The following ZNF423 variants were observed in gnomAD, a reference collection of about 807,000 sequenced individuals.
The protein encoded by ZNF423 is zinc finger protein 423.
In ZNF423, 12 loss-of-function variants were observed where a neutral mutation model predicts 95.8. That is an observed-to-expected ratio of 0.13 (90% confidence interval 0.08 to 0.20). The LOEUF (loss-of-function observed/expected upper bound fraction) is 0.20, where lower values mean the gene tolerates loss of function less well. Among genes scored for constraint, ZNF423 ranks in the 10% least tolerant of loss-of-function variants. The pLI is 1.00. For synonymous variants in ZNF423, 749 were observed against 711.9 expected (o/e 1.05, Z -0.83); for missense variants, 1,316 against 1,737.1 (o/e 0.76, Z 4.31).
chr16:49,718,922 G>A (rs2032785779), intron 3 of ZNF423, among the ~76,000 whole-genome samples: 2 of 152,144 alleles, frequency 1.3e-5, no homozygotes, highest in African/African-American at 4.8e-5. Context: ...ACCATAGCCA[G>A]TTATAATAAA....
intron 1 of ZNF423, among the ~76,000 whole-genome samples, chr16:49,798,266 T>C (rs780626401): frequency 1.3e-5 from 2 of 152,006 alleles, no homozygotes; most frequent in Non-Finnish European, 2.9e-5. Context: ...CCAACACTTA[T>C]GGAGGCTGAG....
chr16:49,750,890 T>A (rs186566111), intron 2 of ZNF423, among the ~76,000 whole-genome samples: 20 of 152,152 alleles, frequency 1.3e-4, no homozygotes, highest in South Asian at 4.2e-4. Flanking sequence ...GTGACAGTGA[T>A]GGGGAGCAGC....
chr16:49,673,039 C>A (rs1342592592), intron 3 of ZNF423, among the ~76,000 whole-genome samples: 3 of 152,134 alleles, frequency 2.0e-5, no homozygotes, highest in South Asian at 2.1e-4. Context: ...GAGCCCAAGG[C>A]GGTCTCCCAC....
chr16:49,698,877 T>C (rs2032070930), intron 3 of ZNF423, among the ~76,000 whole-genome samples: 1 of 152,236 alleles, frequency 6.6e-6, no homozygotes, highest in Non-Finnish European at 1.5e-5. Context: ...AAAGCATTTG[T>C]TGATTCTACA....
intron 5 of ZNF423, among the ~76,000 whole-genome samples, chr16:49,551,748 G>A (rs1007260165): frequency 2.6e-5 from 4 of 152,232 alleles, no homozygotes; most frequent in African/African-American, 7.2e-5. Flanking sequence ...AGTGGGTGGG[G>A]GCTGGAAGAC....
At chr16:49,854,282 CAGTT>C in intron 1 of ZNF423, 1 of 985,398 alleles carries the variant, frequency 1.0e-6, no homozygotes, top group Non-Finnish European at 1.2e-6. Flanking sequence ...CGTTTGGACT[CAGTT>C]GGTCTCCTTC....
At chr16:49,776,570 A>G (rs2034124561) in intron 2 of ZNF423, among the ~76,000 whole-genome samples, 1 of 152,086 alleles carries the variant, frequency 6.6e-6, no homozygotes, top group Admixed American at 6.5e-5. Context: ...CCCAGCCCCG[A>G]CCCTGGGGAC....
intron 5 of ZNF423, among the ~76,000 whole-genome samples, chr16:49,615,974 A>G (rs1971861557): frequency 6.6e-6 from 1 of 152,226 alleles, no homozygotes; most frequent in Non-Finnish European, 1.5e-5. Context: ...GCTCCCACAC[A>G]CACCCAGGAC....
chr16:49,596,851 C>T (rs34644184), intron 5 of ZNF423, among the ~76,000 whole-genome samples: 25,323 of 152,200 alleles, frequency 0.17, 2,413 homozygotes, highest in Admixed American at 0.26. Flanking sequence ...CTCTTCACCC[C>T]CTAGGGATTG....
intron 1 of ZNF423, among the ~76,000 whole-genome samples, chr16:49,818,315 C>T (rs1272425878): frequency 6.6e-6 from 1 of 152,130 alleles, no homozygotes; most frequent in Non-Finnish European, 1.5e-5. Flanking sequence ...GGATAGGGCC[C>T]GGGGATCTGC....
chr16:49,522,055 C>T (rs1968419749), intron 7 of ZNF423, among the ~76,000 whole-genome samples: 1 of 152,244 alleles, frequency 6.6e-6, no homozygotes, highest in South Asian at 2.1e-4. Flanking sequence ...ATTCAAGTGA[C>T]TCTGCATGGT....
chr16:49,577,577 AGAC>A (rs1350061937), intron 5 of ZNF423, among the ~76,000 whole-genome samples: 1 of 152,178 alleles, frequency 6.6e-6, no homozygotes, highest in Non-Finnish European at 1.5e-5. Context: ...ATGTGGTGCA[AGAC>A]TTGGAAGGTA....
chr16:49,628,173 C>A (rs937005413), intron 4 of ZNF423, among the ~76,000 whole-genome samples: 3 of 149,326 alleles, frequency 2.0e-5, no homozygotes, highest in African/African-American at 7.4e-5. Flanking sequence ...TACATACATA[C>A]CCACCCATCC....
At chr16:49,779,178 A>G (rs1678485140) in intron 2 of ZNF423, among the ~76,000 whole-genome samples, 1 of 152,046 alleles carries the variant, frequency 6.6e-6, no homozygotes, top group Admixed American at 6.6e-5. Context: ...GTGGAGACAC[A>G]GAGAATCAGA....
chr16:49,665,454 G>A (rs1202737927), intron 3 of ZNF423, among the ~76,000 whole-genome samples: 2 of 152,134 alleles, frequency 1.3e-5, no homozygotes, highest in African/African-American at 4.8e-5. Flanking sequence ...GCGCAGTAAG[G>A]GTGCCAGAGC....
At chr16:49,593,565 G>A (rs1354688416) in intron 5 of ZNF423, among the ~76,000 whole-genome samples, 1 of 152,146 alleles carries the variant, frequency 6.6e-6, no homozygotes, top group African/African-American at 2.4e-5. Context: ...TTTCTGGTGG[G>A]ATTGTAGCAC....
intron 2 of ZNF423, among the ~76,000 whole-genome samples, chr16:49,779,703 A>G (rs1317653617): frequency 6.6e-6 from 1 of 152,182 alleles, no homozygotes; most frequent in Non-Finnish European, 1.5e-5. Context: ...AAGTCGCCAA[A>G]GAACTATTGA....
chr16:49,582,067 C>CA (rs1308309071), intron 5 of ZNF423, among the ~76,000 whole-genome samples: 3 of 152,338 alleles, frequency 2.0e-5, no homozygotes, highest in South Asian at 4.1e-4. Flanking sequence ...CACACCCATG[C>CA]AACTCACCAC....
intron 4 of ZNF423, among the ~76,000 whole-genome samples, chr16:49,627,018 C>T (rs1972307565): frequency 1.3e-5 from 1 of 76,988 alleles, no homozygotes; most frequent in South Asian, 6.3e-4. Flanking sequence ...TCCATATACC[C>T]ATCCATCCAT....
Sources: allele counts gnomAD v4.1 joint callset (sites outside exome capture counted in the v4.1 genomes callset), GRCh38; gene constraint gnomAD v4.1.1; transcripts MANE v1.5; gene names NCBI Gene and HGNC (gene_info 2026-07-23, HGNC 2026-07-21).